The following LCLAT1 variants were observed in gnomAD, a reference collection of about 807,000 sequenced individuals.
LCLAT1 encodes the protein lysocardiolipin acyltransferase 1.
In LCLAT1, 11 loss-of-function variants were observed where a neutral mutation model predicts 30.7. The observed-to-expected ratio is 0.36, with a 90% CI of 0.23 to 0.59. LCLAT1 has a LOEUF of 0.59. Ranked by LOEUF, LCLAT1 falls within the 20% of genes least tolerant of loss-of-function variation. The pLI is 0.77. For missense variants in LCLAT1, 402 were observed against 458.6 expected (o/e 0.88, Z 1.13); for synonymous variants, 155 against 151.3 (o/e 1.02, Z -0.18).
chr2:30,511,700 T>C (rs1202772348), intron 1 of LCLAT1, among the ~76,000 whole-genome samples: 4 of 152,204 alleles, frequency 2.6e-5, no homozygotes, highest in Non-Finnish European at 4.4e-5. Flanking sequence ...CCCACTGTTC[T>C]TAGAGTGGTG....
At chr2:30,566,559 A>G (rs558054899) in intron 4 of LCLAT1, among the ~76,000 whole-genome samples, 52 of 152,272 alleles carry the variant, frequency 3.4e-4, no homozygotes, top group African/African-American at 1.0e-3. Context: ...GAAGTCGTCT[A>G]TGGTTTTTGG....
At chr2:30,491,257 T>G (rs1313992483) in intron 1 of LCLAT1, among the ~76,000 whole-genome samples, 1 of 152,252 alleles carries the variant, frequency 6.6e-6, no homozygotes, top group Non-Finnish European at 1.5e-5. Context: ...AATATATTAA[T>G]TGAAACAATA....
chr2:30,561,425 C>G (rs1665215060), intron 3 of LCLAT1, among the ~76,000 whole-genome samples: 1 of 152,136 alleles, frequency 6.6e-6, no homozygotes, highest in Non-Finnish European at 1.5e-5. Flanking sequence ...GGCTATTGGA[C>G]AGACTATTGG....
chr2:30,503,853 C>G (rs939051761), intron 1 of LCLAT1, among the ~76,000 whole-genome samples: 1 of 152,206 alleles, frequency 6.6e-6, no homozygotes. Context: ...TTTGTCCTAG[C>G]TTGACTGAGC....
chr2:30,602,653 CTTTT>C (rs149422502), intron 5 of LCLAT1, among the ~76,000 whole-genome samples: 1 of 152,184 alleles, frequency 6.6e-6, no homozygotes, highest in South Asian at 2.1e-4. Context: ...TTCCTAATGA[CTTTT>C]TTTCTTCCTC....
At chr2:30,539,645 T>C (rs1191112455) in intron 3 of LCLAT1, among the ~76,000 whole-genome samples, 1 of 152,194 alleles carries the variant, frequency 6.6e-6, no homozygotes, top group Non-Finnish European at 1.5e-5. Context: ...TTTTAAGGAA[T>C]CTTCTCTTGG....
intron 5 of LCLAT1, among the ~76,000 whole-genome samples, chr2:30,615,481 G>T (rs1019807863): frequency 6.6e-6 from 1 of 152,064 alleles, no homozygotes; most frequent in Non-Finnish European, 1.5e-5. Context: ...CAAGCAACTG[G>T]GACACAGAAT....
intron 1 of LCLAT1, among the ~76,000 whole-genome samples, chr2:30,474,386 A>G (rs1329350925): frequency 2.6e-5 from 4 of 152,198 alleles, no homozygotes; most frequent in South Asian, 2.1e-4. Flanking sequence ...ATTTTTCTCT[A>G]CATGTTACTG....
chr2:30,497,025 G>C (rs1261552809), intron 1 of LCLAT1, among the ~76,000 whole-genome samples: 2 of 152,172 alleles, frequency 1.3e-5, no homozygotes, highest in Admixed American at 1.3e-4. Context: ...AGATTCCCCT[G>C]CTAAGTTTCA....
intron 1 of LCLAT1, among the ~76,000 whole-genome samples, chr2:30,493,252 GA>G (rs768639410): frequency 6.6e-5 from 10 of 152,248 alleles, no homozygotes; most frequent in Non-Finnish European, 8.8e-5. Context: ...GAAACTCAAG[GA>G]AATTTGTAAG....
chr2:30,465,282 G>A (rs1572479888), intron 1 of LCLAT1, among the ~76,000 whole-genome samples: 1 of 152,174 alleles, frequency 6.6e-6, no homozygotes, highest in Non-Finnish European at 1.5e-5. Flanking sequence ...AGGAGGTAGA[G>A]ATTTGAGTGT....
chr2:30,636,347 A>C (rs190609950), intron 5 of LCLAT1, among the ~76,000 whole-genome samples: 1 of 152,316 alleles, frequency 6.6e-6, no homozygotes, highest in Admixed American at 6.5e-5. Context: ...CCTGACTACT[A>C]TGTTGGTATC....
intron 1 of LCLAT1, among the ~76,000 whole-genome samples, chr2:30,486,623 C>CA (rs1325860443): frequency 6.6e-6 from 1 of 152,174 alleles, no homozygotes; most frequent in Non-Finnish European, 1.5e-5. Flanking sequence ...CAGAGACTAC[C>CA]AAATTCCTAC....
intron 5 of LCLAT1, among the ~76,000 whole-genome samples, chr2:30,619,666 T>C (rs1238755507): frequency 1.3e-5 from 2 of 152,198 alleles, no homozygotes; most frequent in East Asian, 3.9e-4. Context: ...AATAACTTTG[T>C]CATTAATAAG....
chr2:30,639,023 A>G (rs2148538770), intron 5 of LCLAT1, among the ~76,000 whole-genome samples: 1 of 152,306 alleles, frequency 6.6e-6, no homozygotes, highest in Non-Finnish European at 1.5e-5. Flanking sequence ...ATCTTTGCTA[A>G]AATGAAACAT....
At chr2:30,622,885 A>G (rs1432744868) in intron 5 of LCLAT1, among the ~76,000 whole-genome samples, 1 of 152,110 alleles carries the variant, frequency 6.6e-6, no homozygotes, top group Non-Finnish European at 1.5e-5. Flanking sequence ...TGGTAATATG[A>G]CAAAAGAAGG....
chr2:30,473,282 A>ATG (rs1682887717), intron 1 of LCLAT1, among the ~76,000 whole-genome samples: 1 of 152,186 alleles, frequency 6.6e-6, no homozygotes, highest in African/African-American at 2.4e-5. Context: ...ACATATATAT[A>ATG]AAGTTCTGAA....
chr2:30,536,968 C>A (rs970114994), intron 3 of LCLAT1, among the ~76,000 whole-genome samples: 7 of 152,154 alleles, frequency 4.6e-5, no homozygotes, highest in Admixed American at 3.3e-4. Context: ...ATGCTGCCTG[C>A]AAGAAACTGA....
intron 5 of LCLAT1, among the ~76,000 whole-genome samples, chr2:30,595,836 CCTAA>C (rs1216597647): frequency 6.6e-6 from 1 of 152,070 alleles, no homozygotes; most frequent in Admixed American, 6.6e-5. Context: ...GTGTTGTTCC[CCTAA>C]CTATGTCCAT....
Sources: allele counts gnomAD v4.1 joint callset (sites outside exome capture counted in the v4.1 genomes callset), GRCh38; gene constraint gnomAD v4.1.1; transcripts MANE v1.5; gene names NCBI Gene and HGNC (gene_info 2026-07-23, HGNC 2026-07-21).